Variants in COX7B2 observed in about 807,000 individuals in gnomAD.
COX7B2 encodes cytochrome c oxidase subunit 7B2.
For synonymous variants in COX7B2, 37 were observed against 32.1 expected (o/e 1.15, Z -0.51); for missense variants, 109 against 95.9 (o/e 1.14, Z -0.57).
At chr4:46,868,709 T>A (rs1455753638) in intron 1 of COX7B2, among the ~76,000 whole-genome samples, 1 of 152,186 alleles carries the variant, frequency 6.6e-6, no homozygotes, top group Non-Finnish European at 1.5e-5. Flanking sequence ...TGACTTCTAT[T>A]TGTTAATTGA....
rs567350224 is a variant in COX7B2, at chr4:46,821,721, A to G, written c.-50+23239T>C. ...AGTTAAATAATCATCATTGTCACAC[A>G]TATTTATTATCAATATAGAACACTG... On this transcript the variant is annotated intron_variant, in intron 2 of 2. Transcript: ENST00000355591. Among the ~76,000 whole-genome samples, 15 of 152,340 alleles carry G rather than the reference A, an allele frequency of 9.8e-5. No homozygotes were observed. The South Asian group carries it at 3.1e-3, about 32-fold the overall frequency.
At chr4:46,862,607 C>A (rs912620083) in intron 1 of COX7B2, among the ~76,000 whole-genome samples, 2 of 152,104 alleles carry the variant, frequency 1.3e-5, no homozygotes, top group Admixed American at 6.5e-5. Flanking sequence ...TCCGAATTTT[C>A]AAATTTTGAT....
intron 2 of COX7B2, among the ~76,000 whole-genome samples, chr4:46,838,054 C>T (rs1715656004): frequency 6.6e-6 from 1 of 151,960 alleles, no homozygotes; most frequent in African/African-American, 2.4e-5. Context: ...AGTTTCATTA[C>T]TGTGTTTCAT....
intron 2 of COX7B2, among the ~76,000 whole-genome samples, chr4:46,833,000 G>T (rs1452778934): frequency 6.6e-6 from 1 of 152,016 alleles, no homozygotes; most frequent in Non-Finnish European, 1.5e-5. Context: ...CCGCCTCCCG[G>T]GTTCAAGTGA....
intron 2 of COX7B2, among the ~76,000 whole-genome samples, chr4:46,794,605 T>C (rs917354364): frequency 1.8e-4 from 28 of 152,050 alleles, no homozygotes; most frequent in African/African-American, 6.8e-4. Context: ...TAGTGGGAAC[T>C]ACAGAAACTG....
At chr4:46,820,566 G>A (rs980788839) in intron 2 of COX7B2, among the ~76,000 whole-genome samples, 17 of 152,064 alleles carry the variant, frequency 1.1e-4, no homozygotes, top group African/African-American at 2.4e-4. Flanking sequence ...AGTGGCTAAC[G>A]CCTGTAATCC....
chr4:46,757,588 T>C (rs1407213983), intron 2 of COX7B2, among the ~76,000 whole-genome samples: 1 of 152,096 alleles, frequency 6.6e-6, no homozygotes, highest in African/African-American at 2.4e-5. Context: ...TCTTCCCCAG[T>C]CCTTACACAT....
chr4:46,879,768 A>C (rs1718590962), intron 1 of COX7B2, among the ~76,000 whole-genome samples: 1 of 151,278 alleles, frequency 6.6e-6, no homozygotes, highest in Non-Finnish European at 1.5e-5. Flanking sequence ...TTTATAGTTC[A>C]TTTGAAGGAG....
At chr4:46,739,848 G>T (rs1467904050) in intron 2 of COX7B2, among the ~76,000 whole-genome samples, 1 of 151,898 alleles carries the variant, frequency 6.6e-6, no homozygotes, top group African/African-American at 2.4e-5. Context: ...AGAAAAGAAT[G>T]GCACACTGGG....
intron 2 of COX7B2, among the ~76,000 whole-genome samples, chr4:46,840,439 G>A (rs867828230): frequency 1.2e-4 from 19 of 152,132 alleles, no homozygotes; most frequent in African/African-American, 4.3e-4. Context: ...AGAACTCTCT[G>A]TCATGAGGGA....
intron 2 of COX7B2, among the ~76,000 whole-genome samples, chr4:46,744,930 C>T (rs1405278777): frequency 6.6e-6 from 1 of 151,906 alleles, no homozygotes; most frequent in African/African-American, 2.4e-5. Context: ...CGGGGTTTCA[C>T]TGTGTTGTCC....
At chr4:46,880,779 T>C (rs1195905176) in intron 1 of COX7B2, among the ~76,000 whole-genome samples, 1 of 131,486 alleles carries the variant, frequency 7.6e-6, no homozygotes, top group Non-Finnish European at 1.5e-5. Flanking sequence ...CACTCATAGG[T>C]GGGAATTGAA....
intron 2 of COX7B2, among the ~76,000 whole-genome samples, chr4:46,753,467 A>C (rs939977402): frequency 7.9e-5 from 12 of 151,950 alleles, no homozygotes; most frequent in African/African-American, 2.9e-4. Flanking sequence ...TGGGGAAAGG[A>C]TTCCCTGTTT....
At chr4:46,758,824 G>A (rs926444484) in intron 2 of COX7B2, among the ~76,000 whole-genome samples, 3 of 151,998 alleles carry the variant, frequency 2.0e-5, no homozygotes, top group African/African-American at 7.2e-5. Context: ...TCAAAGCCTA[G>A]GCCTAAGATA....
chr4:46,881,608 A>C (rs1239778500), intron 1 of COX7B2, among the ~76,000 whole-genome samples: 1 of 152,018 alleles, frequency 6.6e-6, no homozygotes, highest in East Asian at 1.9e-4. Context: ...AATAAAAAAA[A>C]AAATACCAAA....
rs560098441 is a variant in COX7B2, at chr4:46,876,475, G to A, written c.-104-31461C>T. Among the ~76,000 whole-genome samples, 130 of 140,796 alleles carry A rather than the reference G, an allele frequency of 9.2e-4. 2 individuals are homozygous for A. Among genetic ancestry groups the A allele is most frequent in the Admixed American group, 1.5e-3 (20 of 13,072 alleles). 92.4% of individuals were successfully genotyped at this position (140,796 alleles called of 152,430 possible). On this transcript the variant is annotated intron_variant, in intron 1 of 2. Transcript: ENST00000355591. ...GGCTGGAGTGCAGTGGCGCATCTCC[G>A]CTCACTGCAAGCTCCACCTTCTGGG...
At chr4:46,806,849 T>C (rs1719024051) in intron 2 of COX7B2, among the ~76,000 whole-genome samples, 1 of 152,034 alleles carries the variant, frequency 6.6e-6, no homozygotes, top group Admixed American at 6.5e-5. Flanking sequence ...AAGGGCAAGA[T>C]CTTGCTTTTT....
intron 2 of COX7B2, among the ~76,000 whole-genome samples, chr4:46,796,995 T>C (rs1718385826): frequency 1.2e-5 from 1 of 80,440 alleles, no homozygotes; most frequent in African/African-American, 6.2e-5. Context: ...TAATGCTAGA[T>C]GACACATTAG....
At chr4:46,812,838 C>T (rs1447310006) in intron 2 of COX7B2, among the ~76,000 whole-genome samples, 2 of 152,178 alleles carry the variant, frequency 1.3e-5, no homozygotes, top group African/African-American at 4.8e-5. Context: ...TCACTGGGTT[C>T]AGGGTGTGGC....
Sources: allele counts gnomAD v4.1 joint callset (sites outside exome capture counted in the v4.1 genomes callset), GRCh38; gene constraint gnomAD v4.1.1; transcripts MANE v1.5; gene names NCBI Gene and HGNC (gene_info 2026-07-23, HGNC 2026-07-21).